CAPN14: variants seen among roughly 807,000 people sequenced by gnomAD.
CAPN14 encodes calpain 14.
A neutral mutation model predicts 101.3 loss-of-function variants in CAPN14; 94 were observed. The ratio of observed to expected loss-of-function variants is 0.93; its 90% confidence interval spans 0.79 to 1.10. The LOEUF is 1.10. Ranked by LOEUF, CAPN14 falls within the 50% of genes least tolerant of loss-of-function variation. The probability of loss-of-function intolerance (pLI) is 0.00; values close to 1 mark genes in which losing one functional copy is unlikely to be tolerated. For synonymous variants in CAPN14, 338 were observed against 317.9 expected, an observed-to-expected ratio of 1.06 and a Z score of -0.67; for missense variants, 837 against 828.4, an observed-to-expected ratio of 1.01 and a Z score of -0.13.
At chr2:31,192,434 G>T (rs1681241227) in intron 10 of CAPN14, among the ~76,000 whole-genome samples, 1 of 152,160 alleles carries the variant, frequency 6.6e-6, no homozygotes, top group South Asian at 2.1e-4. Flanking sequence ...ATGATCCTAG[G>T]GGCCTTTGCA....
At chr2:31,217,988 C>T (rs571919593), upstream of CAPN14, among the ~76,000 whole-genome samples, 2 of 152,234 alleles carry the variant, frequency 1.3e-5, no homozygotes, top group African/African-American at 4.8e-5. Context: ...AGGCAGCCCT[C>T]AGGGATGTTT....
chr2:31,193,189 C>T lies in CAPN14; in HGVS notation c.1056G>A (p.Met352Ile). The T allele has an allele frequency of 5.8e-6, 9 of 1,551,670 alleles. No individual in the cohort carries two copies. Among genetic ancestry groups the T allele is most frequent in the Non-Finnish European group, 7.8e-6 (9 of 1,147,016 alleles). Residue 352 changes from methionine to isoleucine, a missense_variant, in exon 10 of 22, where the codon ATG (methionine) becomes ATA (isoleucine). Physicochemically the swap from Met to Ile is conservative, Grantham distance 10 (BLOSUM62 1). Coordinates refer to ENST00000403897, the MANE Select transcript of CAPN14 (RefSeq NM_001145122.2). ...TCCGCTTCTCCCATCTCCCCTCCCG[C>T]ATGGTGTACGTCCACTTCTGGGCCG... ...QEAAQKWTYT[M>I]REGRWEKRST...
At chr2:31,187,182 T>C (rs534860685) in intron 15 of CAPN14, among the ~76,000 whole-genome samples, 1 of 152,264 alleles carries the variant, frequency 6.6e-6, no homozygotes, top group South Asian at 2.1e-4. Context: ...TTCCTAAGTG[T>C]CTTGCAGGTT....
At chr2:31,199,602 C>T in intron 6 of CAPN14, 70 bp from the exon 7 acceptor site, 2 of 1,314,126 alleles carry the variant, frequency 1.5e-6, no homozygotes, top group Non-Finnish European at 2.1e-6. Context: ...CGTGGGAAGG[C>T]TGTTTGGCTG....
At chr2:31,212,312 C>CAAAAA in intron 1 of CAPN14, among the ~76,000 whole-genome samples, 1 of 110,438 alleles carries the variant, frequency 9.1e-6, no homozygotes, top group Non-Finnish European at 1.8e-5. Flanking sequence ...CGTCTCAAAA[C>CAAAAA]AAAAAAAAAA....
chr2:31,204,591 A>T (rs1356716843), intron 2 of CAPN14, among the ~76,000 whole-genome samples: 1 of 152,074 alleles, frequency 6.6e-6, no homozygotes, highest in African/African-American at 2.4e-5. Context: ...CTAGGTAATA[A>T]AGCCTCTATA....
intron 1 of CAPN14, among the ~76,000 whole-genome samples, chr2:31,227,806 G>C (rs1683068789): frequency 6.6e-6 from 1 of 152,234 alleles, no homozygotes; most frequent in African/African-American, 2.4e-5. Flanking sequence ...GACGTGCCCT[G>C]TCTAGTTGGA....
At position 31,177,661 on chromosome 2, in the gene CAPN14, G is replaced by C. The variant is rs117815388; in HGVS notation, c.1855+85C>G. On this transcript the variant is annotated intron_variant, in intron 19 of 21. Transcript: ENST00000403897. The stretch of plus-strand genomic sequence containing the variant: ...AACACTGCGTATTAGAGTTACTTCA[G>C]CATGCCACACATCCCCTCTCCTCTG... 10 of 970,336 alleles carry C rather than the reference G, an allele frequency of 1.0e-5. No individual in the cohort carries two copies. In the East Asian group the frequency reaches 2.6e-4, roughly 25 times the overall value. The allele number at this position is 970,336 out of a possible 1,614,324, so 60.1% of individuals were successfully genotyped here.
chr2:31,231,819 C>A (rs1209300693), intron 1 of CAPN14, among the ~76,000 whole-genome samples: 1 of 152,208 alleles, frequency 6.6e-6, no homozygotes, highest in Non-Finnish European at 1.5e-5. Context: ...TAACACCAGG[C>A]GTGGCACGGG....
At position 31,192,859 on chromosome 2, in the gene CAPN14, G is replaced by A. The variant is rs528411587; in HGVS notation, c.1114+272C>T. Among the ~76,000 whole-genome samples, 21 of 152,150 alleles carry A rather than the reference G, an allele frequency of 1.4e-4. No homozygotes were observed. The South Asian group carries it at 1.9e-3, about 14-fold the overall frequency. ...TCATGCCTGTGTGCCTGTGACCCCC[G>A]GTGCTGACTGCGACAGGGCAACCCT... On this transcript the variant is annotated intron_variant, in intron 10 of 21. Coordinates refer to ENST00000403897, the MANE Select transcript of CAPN14 (RefSeq NM_001145122.2).
Position 31,200,500 on chromosome 2 carries a change from A to T in CAPN14, c.677T>A (p.Ile226Asn). ...GAGGGTTCTGTTGTAGGTGGCTTCG[A>T]TGAGGATGTCCCAGAGGTTGCCATG... The part of the protein sequence containing the change: ...EAHGNLWDIL[I>N]EATYNRTLIG... Residue 226 changes from isoleucine (I) to asparagine (N), a missense_variant, in exon 6 of 22, where the codon ATC becomes AAC. By Grantham distance (149) the Ile-to-Asn change is moderately radical. Coordinates refer to ENST00000403897, the MANE Select transcript of CAPN14 (RefSeq NM_001145122.2). 1.3e-6 allele frequency: 2 copies of T among 1,551,292 alleles called. No individual in the cohort carries two copies. The highest frequency in any genetic ancestry group is 1.7e-6 in the Non-Finnish European group (2 of 1,146,970).
chr2:31,229,190 A>G (rs780634249), intron 1 of CAPN14, among the ~76,000 whole-genome samples: 1 of 152,202 alleles, frequency 6.6e-6, no homozygotes, highest in Non-Finnish European at 1.5e-5. Flanking sequence ...TCTAGAAAGA[A>G]GGAGAAGGGG....
At chr2:31,215,802 G>T (rs1195883669) in intron 1 of CAPN14, among the ~76,000 whole-genome samples, 1 of 147,892 alleles carries the variant, frequency 6.8e-6, no homozygotes, top group African/African-American at 2.5e-5. Context: ...TAAAAACCCA[G>T]GCAAACTTTT....
Position 31,185,255 on chromosome 2 carries a change from C to T in CAPN14, c.1645+1173G>A, listed in dbSNP as rs570343437. Among the ~76,000 whole-genome samples the T allele has an allele frequency of 1.2e-3, 190 of 152,300 alleles. 5 individuals carry two copies. In the South Asian group the frequency reaches 0.038, roughly 31 times the overall value. On this transcript the variant is annotated intron_variant, in intron 16 of 21. Coordinates refer to ENST00000403897, the MANE Select transcript of CAPN14 (RefSeq NM_001145122.2). ...AACATCTAAGCATATAGACTCTTGC[C>T]TGTAACTGGATAGAATTATCCCTCT...
chr2:31,178,532 C>G lies in CAPN14; in HGVS notation c.1758G>C (p.Trp586Cys). The change falls in exon 18 of 22, where the codon TGG becomes TGC. Residue 586 changes from tryptophan (W) to cysteine (C), a missense_variant. Trp to Cys is a radical substitution (Grantham distance 215). Coordinates refer to ENST00000403897, the MANE Select transcript of CAPN14 (RefSeq NM_001145122.2). ...TMSIQEFRDL[W>C]KQLKLSQKVF... is the part of the protein sequence containing the mutation. The stretch of plus-strand genomic sequence containing the variant: ...TTACCTGAGAGAGCTTCAGCTGCTT[C>G]CACAGGTCCCTGAATTCCTGGATGC... 1.3e-6 allele frequency: 2 copies of G among 1,550,246 alleles called. No homozygotes were observed. The highest frequency in any genetic ancestry group is 1.7e-6 in the Non-Finnish European group (2 of 1,146,422).
rs182592991 is a variant in CAPN14, at chr2:31,205,647, G to A, written c.-52-148C>T. 40 of 613,764 alleles carry A rather than the reference G, an allele frequency of 6.5e-5. No homozygotes were observed. In the South Asian group the frequency reaches 7.7e-4, roughly 12 times the overall value. The allele number at this position is 613,764 out of a possible 1,614,324, so 38.0% of individuals were successfully genotyped here. ...AAGCAGGTGGTTCGATTTTGTCCCA[G>A]AGAGTGTGGGTCCTTGAGCACTCAC... On this transcript the variant is annotated intron_variant, in intron 1 of 21. Transcript: ENST00000403897.
intron 8 of CAPN14, among the ~76,000 whole-genome samples, chr2:31,194,734 G>T (rs1681380698): frequency 6.6e-6 from 1 of 152,084 alleles, no homozygotes; most frequent in Non-Finnish European, 1.5e-5. Context: ...TTAGAGATTA[G>T]GAAACTGAAG....
intron 21 of CAPN14, 26 bp downstream of exon 21, chr2:31,176,560 GA>G: frequency 6.5e-7 from 1 of 1,545,962 alleles, no homozygotes; most frequent in South Asian, 1.2e-5. Flanking sequence ...AAGATGACAT[GA>G]GCCACCTCCT....
chr2:31,191,430 G>T (rs200800289), intron 11 of CAPN14, 23 bp from the exon 12 acceptor site: 3 of 1,277,962 alleles, frequency 2.3e-6, no homozygotes, highest in Non-Finnish European at 3.1e-6. Context: ...AACAAAAACA[G>T]AAAAAAAAAA....
Sources: allele counts gnomAD v4.1 joint callset (sites outside exome capture counted in the v4.1 genomes callset), GRCh38; gene constraint gnomAD v4.1.1; transcripts MANE v1.5; gene names NCBI Gene and HGNC (gene_info 2026-07-23, HGNC 2026-07-21).